The following PTPRG variants were observed in gnomAD, a reference collection of about 807,000 sequenced individuals.
PTPRG encodes protein tyrosine phosphatase receptor type G, also known as receptor-type tyrosine-protein phosphatase gamma.
In PTPRG, 102 loss-of-function variants were observed where a neutral mutation model predicts 165.3. The ratio of observed to expected loss-of-function variants is 0.62; its 90% CI spans 0.53 to 0.73. The LOEUF is 0.73. Ranked by LOEUF, PTPRG falls within the 30% of genes least tolerant of loss-of-function variation. The pLI, the probability that PTPRG is intolerant of heterozygous loss-of-function variation, is 0.00. For synonymous variants in PTPRG, 675 were observed against 669.5 expected (o/e 1.01, Z -0.13); for missense variants, 1,866 against 1,861.4 (o/e 1.00, Z -0.05).
chr3:61,875,386 A>C (rs1381611855), intron 2 of PTPRG, among the ~76,000 whole-genome samples: 1 of 151,212 alleles, frequency 6.6e-6, no homozygotes, highest in African/African-American at 2.4e-5. Context: ...GTTTTGAGAG[A>C]GAGAGGATTC....
intron 2 of PTPRG, among the ~76,000 whole-genome samples, chr3:61,920,085 G>C (rs936536101): frequency 6.6e-6 from 1 of 152,196 alleles, no homozygotes; most frequent in Non-Finnish European, 1.5e-5. Flanking sequence ...ATGATCCCTG[G>C]TTGAGGTGTT....
chr3:61,661,142 A>C (rs1349910139), intron 1 of PTPRG, among the ~76,000 whole-genome samples: 2 of 151,686 alleles, frequency 1.3e-5, no homozygotes, highest in African/African-American at 4.8e-5. Flanking sequence ...GCATGCTCCT[A>C]GCCTACTGCA....
chr3:61,855,342 T>C (rs552560064), intron 2 of PTPRG, among the ~76,000 whole-genome samples: 1 of 152,332 alleles, frequency 6.6e-6, no homozygotes, highest in East Asian at 1.9e-4. Context: ...CATTGCAGAT[T>C]GTACCTTCAG....
At chr3:61,601,229 C>CT (rs1700858347) in intron 1 of PTPRG, among the ~76,000 whole-genome samples, 1 of 152,312 alleles carries the variant, frequency 6.6e-6, no homozygotes, top group South Asian at 2.1e-4. Context: ...GCACTCCAGC[C>CT]TGGGTGACAG....
chr3:62,027,041 C>G (rs1217692140), intron 4 of PTPRG, among the ~76,000 whole-genome samples: 1 of 152,008 alleles, frequency 6.6e-6, no homozygotes, highest in East Asian at 1.9e-4. Context: ...ACTACTGAGT[C>G]AAATCATTTA....
Position 61,615,303 on chromosome 3 carries a change from G to A in PTPRG, c.85+52931G>A, listed in dbSNP as rs528718621. 1.4e-4 allele frequency among the ~76,000 whole-genome samples: 21 copies of A among 152,296 alleles called. No individual in the cohort carries two copies. The South Asian group carries it at 3.3e-3, about 24-fold the overall frequency. On this transcript the variant is annotated intron_variant, in intron 1 of 29. Transcript: ENST00000474889. ...TCTTTCAGGTCTGGAACAGTTTCTC[G>A]GAATTTCCTTGGCCTCTATGACCTC...
chr3:62,061,495 T>A (rs983927490), intron 4 of PTPRG, among the ~76,000 whole-genome samples: 6 of 152,272 alleles, frequency 3.9e-5, no homozygotes, highest in African/African-American at 1.2e-4. Context: ...TCTATTTTTA[T>A]TCCAAATTAC....
chr3:62,215,333 C>T (rs1157085997), intron 12 of PTPRG, among the ~76,000 whole-genome samples: 3 of 152,152 alleles, frequency 2.0e-5, no homozygotes, highest in Non-Finnish European at 4.4e-5. Context: ...AAAATTCAGT[C>T]GCTCTTATTT....
intron 2 of PTPRG, among the ~76,000 whole-genome samples, chr3:61,826,297 A>G (rs146752314): frequency 3.2e-4 from 49 of 152,296 alleles, no homozygotes; most frequent in African/African-American, 1.0e-3. Context: ...GTGAATATCA[A>G]TGCTGATACA....
chr3:61,935,737 C>A (rs915197995), intron 2 of PTPRG, among the ~76,000 whole-genome samples: 2 of 150,320 alleles, frequency 1.3e-5, no homozygotes, highest in African/African-American at 4.9e-5. Context: ...TGCAAGATGT[C>A]CCAAATCCAA....
At chr3:61,778,589 C>A (rs1370312974) in intron 2 of PTPRG, among the ~76,000 whole-genome samples, 2 of 152,052 alleles carry the variant, frequency 1.3e-5, no homozygotes, top group Non-Finnish European at 1.5e-5. Context: ...AGGTTCCCTG[C>A]CCCCAGACCC....
intron 2 of PTPRG, among the ~76,000 whole-genome samples, chr3:61,887,667 T>G (rs1261241172): frequency 6.6e-6 from 1 of 152,012 alleles, no homozygotes; most frequent in African/African-American, 2.4e-5. Flanking sequence ...TTTTGCAAAT[T>G]CTATGCCATA....
At chr3:62,232,434 T>C (rs1700922757) in intron 14 of PTPRG, among the ~76,000 whole-genome samples, 1 of 152,206 alleles carries the variant, frequency 6.6e-6, no homozygotes, top group South Asian at 2.1e-4. Context: ...AATAGAAATT[T>C]CTCTGTATAG....
At chr3:62,126,474 GT>G (rs1703296782) in intron 5 of PTPRG, among the ~76,000 whole-genome samples, 1 of 152,114 alleles carries the variant, frequency 6.6e-6, no homozygotes, top group Non-Finnish European at 1.5e-5. Flanking sequence ...ATTGTGTTTT[GT>G]TTTCATATTA....
At chr3:61,606,022 T>C (rs1700996261) in intron 1 of PTPRG, among the ~76,000 whole-genome samples, 2 of 152,252 alleles carry the variant, frequency 1.3e-5, no homozygotes, top group Admixed American at 1.3e-4. Context: ...ATGTGGTGTA[T>C]CCATTTTCTA....
At chr3:62,101,435 A>T (rs1418821993) in intron 5 of PTPRG, among the ~76,000 whole-genome samples, 1 of 152,248 alleles carries the variant, frequency 6.6e-6, no homozygotes, top group African/African-American at 2.4e-5. Flanking sequence ...CTGATTGTTC[A>T]TTTCAACTTA....
intron 6 of PTPRG, among the ~76,000 whole-genome samples, chr3:62,150,924 C>T (rs1704311256): frequency 6.6e-6 from 1 of 152,176 alleles, no homozygotes; most frequent in Admixed American, 6.5e-5. Context: ...GCACAGGTCT[C>T]TTCTATACAT....
intron 6 of PTPRG, among the ~76,000 whole-genome samples, chr3:62,143,413 G>A (rs925329096): frequency 1.3e-5 from 2 of 152,148 alleles, no homozygotes; most frequent in African/African-American, 4.8e-5. Flanking sequence ...AGGGGTTCTT[G>A]CCTGTTTTTG....
rs1464549 is a variant in PTPRG, at chr3:61,729,216, G to A, written c.86-19662G>A. On this transcript the variant is annotated intron_variant, in intron 1 of 29. Coordinates refer to ENST00000474889, the MANE Select transcript of PTPRG (RefSeq NM_002841.4). ...GTGATTAGTAGGGGCAGTGGTGAAG[G>A]GGAGAACATTTGCACTAAGTGAAGA... Among the ~76,000 whole-genome samples the A allele has an allele frequency of 6.3e-3, 955 of 152,238 alleles. 10 individuals are homozygous for A. Among genetic ancestry groups the A allele is most frequent in the African/African-American group, 0.022 (904 of 41,510 alleles).
Sources: gnomAD v4.1 joint callset for allele counts (sites outside exome capture counted in the v4.1 genomes callset) on GRCh38, gnomAD v4.1.1 for gene constraint, MANE v1.5 for transcripts, NCBI Gene and HGNC (gene_info 2026-07-23, HGNC 2026-07-21) for gene names.